The following LMF1 variants were observed in gnomAD, a reference collection of about 807,000 sequenced individuals.
LMF1 encodes the protein lipase maturation factor 1, also known as transmembrane protein 112.
Under a neutral mutation model 60.6 loss-of-function variants are expected in LMF1, and 68 were observed. The observed-to-expected ratio is 1.12, with a 90% CI of 0.92 to 1.37. The LOEUF (loss-of-function observed/expected upper bound fraction) is 1.37, where lower values mean the gene tolerates loss of function less well. Ranked by LOEUF, LMF1 falls within the 40% of genes most tolerant of loss-of-function variation. The pLI, the probability that LMF1 is intolerant of heterozygous loss-of-function variation, is 0.00. For missense variants in LMF1, 948 were observed against 767.2 expected, an observed-to-expected ratio of 1.24 and a Z score of -2.78; for synonymous variants, 418 against 324.7, an observed-to-expected ratio of 1.29 and a Z score of -3.09.
At chr16:916,781 CGGCCT>C (rs1160348203) in intron 3 of LMF1, among the ~76,000 whole-genome samples, 1 of 152,264 alleles carries the variant, frequency 6.6e-6, no homozygotes, top group Non-Finnish European at 1.5e-5. Context: ...CTGAGGCCTG[CGGCCT>C]TGGGATGCCT....
At chr16:915,618 C>G (rs1413969561) in intron 3 of LMF1, among the ~76,000 whole-genome samples, 1 of 152,182 alleles carries the variant, frequency 6.6e-6, no homozygotes, top group Non-Finnish European at 1.5e-5. Flanking sequence ...GCACCACCAG[C>G]CTTGGCGACC....
intron 1 of LMF1, among the ~76,000 whole-genome samples, chr16:970,225 A>G (rs1254922326): frequency 3.3e-5 from 5 of 152,256 alleles, no homozygotes; most frequent in East Asian, 3.8e-4. Context: ...GGAGACGCGA[A>G]GGAGGCTCCC....
At chr16:948,035 C>A (rs2072291190) in intron 2 of LMF1, among the ~76,000 whole-genome samples, 1 of 131,138 alleles carries the variant, frequency 7.6e-6, no homozygotes, top group Admixed American at 7.5e-5. Context: ...GAGACAACGA[C>A]AGAGTCAGCC....
At chr16:946,891 G>A (rs1399185667) in intron 2 of LMF1, among the ~76,000 whole-genome samples, 1 of 152,230 alleles carries the variant, frequency 6.6e-6, no homozygotes, top group African/African-American at 2.4e-5. Flanking sequence ...CCCGATGACA[G>A]TTGCACCAGC....
chr16:871,010 C>T, intron 7 of LMF1, 128 bp from the exon 8 acceptor site: 6 of 1,407,162 alleles, frequency 4.3e-6, no homozygotes, highest in Middle Eastern at 2.5e-4. Flanking sequence ...AGCACCCGAA[C>T]TCACACACCT....
At chr16:936,118 G>C (rs2071935201) in intron 2 of LMF1, among the ~76,000 whole-genome samples, 1 of 150,054 alleles carries the variant, frequency 6.7e-6, no homozygotes, top group Non-Finnish European at 1.5e-5. Context: ...GAGGAAGGAG[G>C]CTGGGAGGGA....
chr16:978,569 C>T (rs1460630295), intron 1 of LMF1, among the ~76,000 whole-genome samples: 4 of 152,338 alleles, frequency 2.6e-5, no homozygotes, highest in East Asian at 1.9e-4. Flanking sequence ...CAGCTCTCCA[C>T]GCCCGGCACT....
At chr16:931,800 GGTCA>G (rs1567265271) in intron 3 of LMF1, 1 of 1,283,510 alleles carries the variant, frequency 7.8e-7, no homozygotes, top group African/African-American at 1.5e-5. Context: ...GCCGCTGCAG[GGTCA>G]GACACAACAT....
chr16:863,331 C>G (rs111677672), intron 10 of LMF1, among the ~76,000 whole-genome samples: 1 of 151,930 alleles, frequency 6.6e-6, no homozygotes, highest in Admixed American at 6.6e-5. Context: ...TAGTAGAGAC[C>G]GGGTTTCACC....
intron 2 of LMF1, chr16:934,503 T>TA (rs2071885255): frequency 3.8e-6 from 2 of 527,160 alleles, no homozygotes; most frequent in Non-Finnish European, 6.8e-6. Flanking sequence ...CCCATAGAAA[T>TA]AAAAAAATAT....
intron 5 of LMF1, among the ~76,000 whole-genome samples, chr16:891,850 C>G (rs34664936): frequency 0.032 from 4,943 of 152,226 alleles, 113 homozygotes; most frequent in East Asian, 0.11. Flanking sequence ...GTGTGCCCTG[C>G]GGCTGCTCCC....
At position 897,305 on chromosome 16, in the gene LMF1, CT is replaced by C. The variant is rs1432770661; in HGVS notation, c.664-4234del. On this transcript the variant is annotated intron_variant, in intron 4 of 10. Coordinates refer to ENST00000262301, the MANE Select transcript of LMF1 (RefSeq NM_022773.4). The surrounding 1 kb of genome is among the most constrained non-coding windows in gnomAD (Gnocchi z 4.3). Reference sequence around the variant, plus strand: ...TGGCCCCCAGAGGCCGCCATCCACCCTGCAGCGACAGCCCCCTGTGTACCCT... The same window carrying C: ...TGGCCCCCAGAGGCCGCCATCCACCCGCAGCGACAGCCCCCTGTGTACCCT... Among the ~76,000 whole-genome samples the C allele has an allele frequency of 6.6e-6, 1 of 152,236 alleles. No homozygotes were observed. Among genetic ancestry groups the C allele is most frequent in the Admixed American group, 6.5e-5 (1 of 15,288 alleles).
intron 10 of LMF1, among the ~76,000 whole-genome samples, chr16:862,645 C>T (rs763592254): frequency 1.3e-5 from 2 of 152,022 alleles, no homozygotes; most frequent in African/African-American, 4.8e-5. Context: ...ACTGCCTGAG[C>T]CCAGGAGTTT....
rs561849806 is a variant in LMF1 at position 853,951 on chromosome 16, G to A, written c.*581C>T. 5 of 454,128 alleles carry A rather than the reference G, an allele frequency of 1.1e-5. No homozygotes were observed. The East Asian group carries it at 2.1e-4, about 19-fold the overall frequency. 28.1% of individuals were successfully genotyped at this position (454,128 alleles called of 1,614,324 possible). A position where few individuals can be genotyped will look rare whatever the true frequency, so the allele number is the denominator to read the frequency against. Reference sequence around the variant, plus strand: ...TGCCTGCATGTGTGGGATGCGTGTAGGCTGTGGCGGGGGTGGAGATGAGGG... The same window carrying A: ...TGCCTGCATGTGTGGGATGCGTGTAAGCTGTGGCGGGGGTGGAGATGAGGG... On this transcript the variant is annotated 3_prime_UTR_variant, in exon 11 of 11. Coordinates refer to ENST00000262301, the MANE Select transcript of LMF1 (RefSeq NM_022773.4).
intron 2 of LMF1, among the ~76,000 whole-genome samples, chr16:939,003 G>A (rs2072022523): frequency 6.6e-6 from 1 of 152,102 alleles, no homozygotes; most frequent in Admixed American, 6.5e-5. Flanking sequence ...CGGCCAAGGG[G>A]TTACACCTTC....
chr16:862,157 T>C (rs1338851123), intron 10 of LMF1, among the ~76,000 whole-genome samples: 2 of 151,530 alleles, frequency 1.3e-5, no homozygotes, highest in South Asian at 2.1e-4. Flanking sequence ...TTGTTATATA[T>C]TGGCAAATTC....
At chr16:948,432 CCAACGACAGAGTCAGAGA>C (rs1236672312) in intron 2 of LMF1, among the ~76,000 whole-genome samples, 16 of 139,090 alleles carry the variant, frequency 1.2e-4, no homozygotes, top group Admixed American at 9.7e-4. Context: ...ACAGAGTCAG[CCAACGACAGAGTCAGAGA>C]CAACGACAGA....
intron 5 of LMF1, among the ~76,000 whole-genome samples, chr16:891,104 C>G (rs9938240): frequency 0.033 from 5,096 of 152,328 alleles, 287 homozygotes; most frequent in African/African-American, 0.12. Flanking sequence ...CGGGAGGGAC[C>G]CACTGCATCC....
intron 2 of LMF1, chr16:952,783 C>G (rs976402818): frequency 6.2e-6 from 1 of 162,166 alleles, no homozygotes; most frequent in Non-Finnish European, 1.4e-5. Context: ...AGACACCCAC[C>G]CCAAACCAGC....
Sources: allele counts gnomAD v4.1 joint callset (sites outside exome capture counted in the v4.1 genomes callset), GRCh38; gene constraint gnomAD v4.1.1; non-coding constraint Gnocchi (gnomAD v3.1); transcripts MANE v1.5; gene names NCBI Gene and HGNC (gene_info 2026-07-23, HGNC 2026-07-21).